The following ERG variants were observed in gnomAD, a reference collection of about 807,000 sequenced individuals.
ERG encodes transcriptional regulator ERG.
ERG carries 9 observed loss-of-function variants against 55.3 expected under a neutral mutation model. The observed-to-expected ratio is 0.16, with a 90% CI of 0.10 to 0.28. ERG has a LOEUF of 0.28. Among genes scored for constraint, ERG ranks in the 10% least tolerant of loss-of-function variants. The pLI, the probability that ERG is intolerant of heterozygous loss-of-function variation, is 1.00. For missense variants in ERG, 434 were observed against 631.6 expected (o/e 0.69, Z 3.35); for synonymous variants, 223 against 237.3 (o/e 0.94, Z 0.55).
intron 1 of ERG, among the ~76,000 whole-genome samples, chr21:38,593,390 AT>A (rs1362789718): frequency 6.6e-6 from 1 of 152,194 alleles, no homozygotes; most frequent in African/African-American, 2.4e-5. Flanking sequence ...ATATTTAGTC[AT>A]TTTACAAGAG....
At chr21:38,515,859 C>G (rs753266721) in intron 2 of ERG, among the ~76,000 whole-genome samples, 10 of 151,760 alleles carry the variant, frequency 6.6e-5, no homozygotes, top group Non-Finnish European at 1.3e-4. Context: ...TGATACATCA[C>G]ATCAATAGAA....
At chr21:38,480,356 C>A (rs899851324) in intron 1 of ERG, among the ~76,000 whole-genome samples, 1 of 152,082 alleles carries the variant, frequency 6.6e-6, no homozygotes, top group African/African-American at 2.4e-5. Flanking sequence ...TGCAGGCAAC[C>A]CCCGGAGCTG....
At chr21:38,424,037 G>A (rs749194356) in intron 2 of ERG, among the ~76,000 whole-genome samples, 44 of 152,168 alleles carry the variant, frequency 2.9e-4, no homozygotes, top group South Asian at 8.3e-4. Flanking sequence ...CTGTCCTCCC[G>A]AAATGCATAT....
intron 9 of ERG, among the ~76,000 whole-genome samples, chr21:38,387,351 C>T (rs1987741296): frequency 6.6e-6 from 1 of 152,152 alleles, no homozygotes; most frequent in South Asian, 2.1e-4. Flanking sequence ...CAGGTGTGTC[C>T]TGAATGGAAG....
chr21:38,470,745 C>CTT (rs1389458813), intron 1 of ERG: 7 of 152,320 alleles, frequency 4.6e-5, no homozygotes, highest in Non-Finnish European at 1.0e-4. Flanking sequence ...GTATAATCAA[C>CTT]TTTGGCACCA....
chr21:38,381,095 C>T lies in ERG; in HGVS notation c.*2308G>A, dbSNP rs62217880. ...TGGGCTCCGTCTAATCCAAATGACA[C>T]GGGGTGTCAGGAGCATTGGTAATCG... On this transcript the variant is annotated 3_prime_UTR_variant, in exon 10 of 10. Transcript: ENST00000288319. 51,128 of 1,064,630 alleles carry T rather than the reference C, an allele frequency of 0.048. 1,384 individuals carry two copies. The highest frequency in any genetic ancestry group is 0.053 in the Non-Finnish European group (46,556 of 878,874). The allele number at this position is 1,064,630 out of a possible 1,614,324, so 65.9% of individuals were successfully genotyped here.
chr21:38,658,364 A>G (rs952534189), intron 1 of ERG, among the ~76,000 whole-genome samples: 1 of 152,148 alleles, frequency 6.6e-6, no homozygotes, highest in Non-Finnish European at 1.5e-5. Context: ...TTCTCAATGG[A>G]GTTCTATGAA....
intron 3 of ERG, among the ~76,000 whole-genome samples, chr21:38,418,270 A>AGTGTGTGT (rs71184622): frequency 0.076 from 9,898 of 130,258 alleles, 583 homozygotes; most frequent in African/African-American, 0.16. Flanking sequence ...AACATTTGGA[A>AGTGTGTGT]GTGTGTGTGT....
intron 1 of ERG, among the ~76,000 whole-genome samples, chr21:38,478,501 C>T (rs1031817209): frequency 1.3e-5 from 2 of 152,050 alleles, no homozygotes; most frequent in Admixed American, 6.6e-5. Context: ...GCTATGGGCA[C>T]GTGAGCTGAC....
chr21:38,536,751 A>C (rs530305946), intron 2 of ERG, among the ~76,000 whole-genome samples: 1 of 152,354 alleles, frequency 6.6e-6, no homozygotes, highest in African/African-American at 2.4e-5. Context: ...ATCAAGCTGT[A>C]CTTTAAAATG....
At chr21:38,459,159 C>T (rs767261244) in intron 1 of ERG, among the ~76,000 whole-genome samples, 1 of 152,188 alleles carries the variant, frequency 6.6e-6, no homozygotes, top group Non-Finnish European at 1.5e-5. Context: ...TCAGGAGCCA[C>T]TCCAATGGCC....
At chr21:38,368,113 G>T in the ERG span, among the ~76,000 whole-genome samples, 1 of 152,142 alleles carries the variant, frequency 6.6e-6, no homozygotes, top group Non-Finnish European at 1.5e-5. Flanking sequence ...ACCACAAAGA[G>T]AATTAGAACA....
At chr21:38,649,366 G>A (rs941199917) in intron 1 of ERG, among the ~76,000 whole-genome samples, 3 of 152,148 alleles carry the variant, frequency 2.0e-5, no homozygotes, top group African/African-American at 7.2e-5. Context: ...CAAGCACAGA[G>A]GCACCTGGAC....
chr21:38,536,489 G>A (rs2836485), intron 2 of ERG, among the ~76,000 whole-genome samples: 2 of 151,948 alleles, frequency 1.3e-5, no homozygotes, highest in East Asian at 1.9e-4. Flanking sequence ...GGACGTCAGC[G>A]TCTCCTCTGC....
chr21:38,427,172 T>G (rs887480261), intron 2 of ERG, among the ~76,000 whole-genome samples: 1 of 152,112 alleles, frequency 6.6e-6, no homozygotes, highest in Non-Finnish European at 1.5e-5. Flanking sequence ...CACTTGAGGC[T>G]AAGTGTTCGA....
intron 1 of ERG, among the ~76,000 whole-genome samples, chr21:38,603,455 C>T (rs1019777995): frequency 3.9e-5 from 6 of 151,992 alleles, no homozygotes; most frequent in African/African-American, 1.5e-4. Context: ...CCTGTCTCTA[C>T]TAAAAATACA....
intron 6 of ERG, among the ~76,000 whole-genome samples, chr21:38,394,354 ATCT>A (rs1287973979): frequency 6.6e-6 from 1 of 151,484 alleles, no homozygotes; most frequent in African/African-American, 2.4e-5. Flanking sequence ...TTTGTTTATT[ATCT>A]TTTTTTTTTT....
intron 1 of ERG, among the ~76,000 whole-genome samples, chr21:38,614,907 C>T (rs2060249800): frequency 6.6e-6 from 1 of 152,176 alleles, no homozygotes; most frequent in Admixed American, 6.5e-5. Context: ...CTGGGGGAAG[C>T]CCAAGATTGT....
intron 2 of ERG, among the ~76,000 whole-genome samples, chr21:38,514,890 TA>T (rs1052988416): frequency 2.0e-5 from 3 of 152,000 alleles, no homozygotes; most frequent in African/African-American, 7.2e-5. Context: ...AAATGAGTTT[TA>T]AAAGTTTGCT....
Sources: allele counts gnomAD v4.1 joint callset (sites outside exome capture counted in the v4.1 genomes callset), GRCh38; gene constraint gnomAD v4.1.1; transcripts MANE v1.5; gene names NCBI Gene and HGNC (gene_info 2026-07-23, HGNC 2026-07-21).